The following SGCD variants were observed in gnomAD, a reference collection of about 807,000 sequenced individuals.
The protein encoded by SGCD is sarcoglycan delta.
A neutral mutation model predicts 36.6 loss-of-function variants in SGCD; 18 were observed. The observed-to-expected ratio is 0.49, with a 90% CI of 0.34 to 0.73. The LOEUF is 0.73. SGCD is among the 30% of genes least tolerant of loss of function. The pLI is 0.01. For missense variants in SGCD, 387 were observed against 346.7 expected, an observed-to-expected ratio of 1.12 and a Z score of -0.92; for synonymous variants, 133 against 130.6, an observed-to-expected ratio of 1.02 and a Z score of -0.12.
intron 1 of SGCD, among the ~76,000 whole-genome samples, chr5:155,976,904 C>T (rs1394803108): frequency 6.6e-6 from 1 of 152,046 alleles, no homozygotes; most frequent in Non-Finnish European, 1.5e-5. Context: ...TCACTGTTGC[C>T]GGTTTTGTCC....
chr5:156,129,103 A>G (rs759665308), intron 3 of SGCD, among the ~76,000 whole-genome samples: 8 of 152,180 alleles, frequency 5.3e-5, no homozygotes, highest in Non-Finnish European at 1.2e-4. Context: ...GGTGATGGAA[A>G]TGTTCTGTGT....
chr5:156,304,127 A>G (rs568885605), intron 3 of SGCD, among the ~76,000 whole-genome samples: 9 of 152,262 alleles, frequency 5.9e-5, no homozygotes, highest in Admixed American at 4.6e-4. Context: ...GGCTAGCCAG[A>G]ATTCAGGTTC....
At chr5:156,589,703 C>T (rs983030465) in intron 5 of SGCD, among the ~76,000 whole-genome samples, 20 of 152,268 alleles carry the variant, frequency 1.3e-4, no homozygotes, top group African/African-American at 4.8e-4. Flanking sequence ...TCTATAAAGC[C>T]AGGGACCATA....
At chr5:156,091,928 G>A (rs532587184) in intron 1 of SGCD, among the ~76,000 whole-genome samples, 115 of 152,326 alleles carry the variant, frequency 7.5e-4, no homozygotes, top group African/African-American at 2.7e-3. Context: ...CCAACTGTTT[G>A]GAGAAATAGG....
rs561050976 is a variant in SGCD at position 156,264,299 on chromosome 5, G to A, written c.-43-65235G>A. ...ATATTATCTTTGTGGTAAAACTTCAGATCATTAAGGAACACTGAGCACTCT... is the reference window on the plus strand; with the variant it reads ...ATATTATCTTTGTGGTAAAACTTCAAATCATTAAGGAACACTGAGCACTCT... On this transcript the variant is annotated intron_variant, in intron 3 of 9. Transcript: ENST00000517913. Among the ~76,000 whole-genome samples the A allele has an allele frequency of 2.0e-5, 3 of 152,138 alleles. No homozygotes were observed. In the East Asian group the frequency reaches 5.8e-4, roughly 29 times the overall value.
At chr5:156,128,461 A>G (rs1329326785) in intron 3 of SGCD, among the ~76,000 whole-genome samples, 1 of 150,316 alleles carries the variant, frequency 6.7e-6, no homozygotes, top group East Asian at 2.0e-4. Flanking sequence ...TCAATCCTGA[A>G]AACAACTCAG....
intron 1 of SGCD, among the ~76,000 whole-genome samples, chr5:156,018,623 C>G (rs1358457085): frequency 2.0e-5 from 3 of 152,336 alleles, no homozygotes; most frequent in Non-Finnish European, 4.4e-5. Flanking sequence ...CATCATCCCT[C>G]TATCTATCCA....
rs570989973 is a variant in SGCD, at chr5:156,573,402, A to G, written c.295-15829A>G. On this transcript the variant is annotated intron_variant, in intron 4 of 8. Coordinates refer to ENST00000337851, the MANE Select transcript of SGCD (RefSeq NM_000337.6). Reference sequence around the variant, plus strand: ...CCCTCATTTTTGCCTGCCCTTCATGACTGCCCCACCCAGGTGAACCTGATT... The same window carrying G: ...CCCTCATTTTTGCCTGCCCTTCATGGCTGCCCCACCCAGGTGAACCTGATT... Among the ~76,000 whole-genome samples, 21 of 152,320 alleles carry G rather than the reference A, an allele frequency of 1.4e-4. 1 individual carries two copies. Among genetic ancestry groups the G allele is most frequent in the African/African-American group, 4.6e-4 (19 of 41,578 alleles).
intron 3 of SGCD, among the ~76,000 whole-genome samples, chr5:156,230,343 T>C (rs889912695): frequency 5.9e-5 from 9 of 152,174 alleles, no homozygotes; most frequent in Non-Finnish European, 1.0e-4. Flanking sequence ...CCGAAGGCTC[T>C]TGTTCAGATT....
At chr5:156,287,182 CA>C in intron 3 of SGCD, among the ~76,000 whole-genome samples, 2 of 152,044 alleles carry the variant, frequency 1.3e-5, no homozygotes. Context: ...TAGCAGTTTC[CA>C]AAATTTGCTG....
chr5:156,689,278 T>C (rs1012996867), intron 7 of SGCD, among the ~76,000 whole-genome samples: 1 of 152,190 alleles, frequency 6.6e-6, no homozygotes, highest in Non-Finnish European at 1.5e-5. Context: ...TAAAATGTTG[T>C]TTAAAAAACA....
intron 3 of SGCD, among the ~76,000 whole-genome samples, chr5:156,183,534 A>C (rs2127628330): frequency 6.6e-6 from 1 of 152,190 alleles, no homozygotes; most frequent in South Asian, 2.1e-4. Flanking sequence ...CAGCCTCCCA[A>C]GTAGCTAGGA....
chr5:156,749,208 G>A (rs544787451), intron 7 of SGCD, among the ~76,000 whole-genome samples: 20 of 152,104 alleles, frequency 1.3e-4, no homozygotes, highest in African/African-American at 4.1e-4. Flanking sequence ...ACTAAAGAAC[G>A]CCCTTCTATA....
chr5:156,276,692 T>C (rs1766326713), intron 3 of SGCD, among the ~76,000 whole-genome samples: 1 of 152,202 alleles, frequency 6.6e-6, no homozygotes, highest in African/African-American at 2.4e-5. Flanking sequence ...TCTGGAAACA[T>C]GGTCTCTGCA....
At chr5:156,703,600 T>A (rs932967677) in intron 7 of SGCD, among the ~76,000 whole-genome samples, 17 of 152,180 alleles carry the variant, frequency 1.1e-4, no homozygotes, top group African/African-American at 4.1e-4. Flanking sequence ...TAGGCAACGC[T>A]TTTACTAAGA....
At chr5:155,909,212 A>T (rs535802447) in intron 1 of SGCD, among the ~76,000 whole-genome samples, 1 of 152,274 alleles carries the variant, frequency 6.6e-6, no homozygotes, top group South Asian at 2.1e-4. Flanking sequence ...CTTATCTAAA[A>T]AGAAGTCTTA....
chr5:156,375,983 C>T (rs1770647161), intron 3 of SGCD, among the ~76,000 whole-genome samples: 1 of 152,066 alleles, frequency 6.6e-6, no homozygotes, highest in South Asian at 2.1e-4. Flanking sequence ...GTAAGATCTA[C>T]ATTATTGATT....
At chr5:156,346,431 T>C (rs1768944013) in intron 3 of SGCD, among the ~76,000 whole-genome samples, 1 of 152,102 alleles carries the variant, frequency 6.6e-6, no homozygotes, top group Non-Finnish European at 1.5e-5. Context: ...CTCAAGTAGA[T>C]AGAACTAGAG....
intron 1 of SGCD, among the ~76,000 whole-genome samples, chr5:155,924,798 C>T (rs902878707): frequency 1.3e-5 from 2 of 152,062 alleles, no homozygotes; most frequent in Admixed American, 1.3e-4. Context: ...ATCAGTTGTA[C>T]AGGTGAAAAT....
Sources: allele counts gnomAD v4.1 joint callset (sites outside exome capture counted in the v4.1 genomes callset), GRCh38; gene constraint gnomAD v4.1.1; transcripts MANE v1.5; gene names NCBI Gene and HGNC (gene_info 2026-07-23, HGNC 2026-07-21).